BACH2: variants seen among roughly 807,000 people sequenced by gnomAD.
BACH2 encodes the protein transcription regulator protein BACH2.
A neutral mutation model predicts 61.8 loss-of-function variants in BACH2; 5 were observed. That is an observed-to-expected ratio of 0.08 (90% CI 0.04 to 0.17). BACH2 has a LOEUF of 0.17. BACH2 is among the 10% of genes least tolerant of loss of function. The pLI is 1.00. For missense variants in BACH2, 824 were observed against 1,091.1 expected, an observed-to-expected ratio of 0.76 and a Z score of 3.45; for synonymous variants, 446 against 440.1, an observed-to-expected ratio of 1.01 and a Z score of -0.17.
chr6:89,961,376 A>G (rs1303446958), intron 6 of BACH2, among the ~76,000 whole-genome samples: 1 of 152,246 alleles, frequency 6.6e-6, no homozygotes, highest in Non-Finnish European at 1.5e-5. Context: ...TAAAACCTGC[A>G]TCAAGGTTTA....
At chr6:90,260,270 C>A (rs896331288) in intron 2 of BACH2, among the ~76,000 whole-genome samples, 2 of 152,156 alleles carry the variant, frequency 1.3e-5, no homozygotes, top group Non-Finnish European at 2.9e-5. Flanking sequence ...TGTCTCAAGG[C>A]ATTTTTTAAA....
chr6:90,203,076 A>G (rs1769010397), intron 4 of BACH2, among the ~76,000 whole-genome samples: 1 of 152,196 alleles, frequency 6.6e-6, no homozygotes, highest in South Asian at 2.1e-4. Flanking sequence ...TAGCAAGAAA[A>G]TAACCAAGAA....
At chr6:89,943,859 C>CTGA (rs1773578404) in intron 7 of BACH2, among the ~76,000 whole-genome samples, 1 of 152,172 alleles carries the variant, frequency 6.6e-6, no homozygotes, top group Non-Finnish European at 1.5e-5. Context: ...CCCTGAGACA[C>CTGA]TGATGGTGTG....
chr6:89,938,801 A>G (rs767115047), intron 7 of BACH2, among the ~76,000 whole-genome samples: 1 of 152,134 alleles, frequency 6.6e-6, no homozygotes, highest in Non-Finnish European at 1.5e-5. Context: ...GACACAAAAA[A>G]CCCAGTGTGA....
intron 4 of BACH2, among the ~76,000 whole-genome samples, chr6:90,090,259 TG>T (rs1463144339): frequency 1.3e-5 from 2 of 152,186 alleles, no homozygotes; most frequent in African/African-American, 2.4e-5. Context: ...AGTTGCAGAT[TG>T]TTTTTTTCTT....
intron 4 of BACH2, among the ~76,000 whole-genome samples, chr6:90,157,897 C>T (rs1408748163): frequency 6.6e-6 from 1 of 151,920 alleles, no homozygotes; most frequent in Non-Finnish European, 1.5e-5. Flanking sequence ...TGCACATAGA[C>T]AATAATGAGG....
At chr6:90,041,386 A>G (rs925110410) in intron 5 of BACH2, among the ~76,000 whole-genome samples, 8 of 151,928 alleles carry the variant, frequency 5.3e-5, no homozygotes, top group African/African-American at 1.9e-4. Flanking sequence ...ATGTTGAATT[A>G]CATCAATGCC....
intron 3 of BACH2, among the ~76,000 whole-genome samples, chr6:90,212,481 C>A (rs185794993): frequency 6.6e-6 from 1 of 152,158 alleles, no homozygotes; most frequent in African/African-American, 2.4e-5. Context: ...AGTGTCCTCG[C>A]CACCCCACAT....
At chr6:90,104,911 C>CCTTA (rs1782833670) in intron 4 of BACH2, among the ~76,000 whole-genome samples, 1 of 152,062 alleles carries the variant, frequency 6.6e-6, no homozygotes, top group Non-Finnish European at 1.5e-5. Flanking sequence ...ATTTGGAACT[C>CCTTA]TAAGGAGACC....
intron 4 of BACH2, among the ~76,000 whole-genome samples, chr6:90,149,584 A>C (rs1020634804): frequency 1.4e-4 from 21 of 152,212 alleles, no homozygotes; most frequent in African/African-American, 4.6e-4. Context: ...CCATTGTAAA[A>C]TCCAGCATAA....
At chr6:90,201,618 T>C (rs1030572124) in intron 4 of BACH2, among the ~76,000 whole-genome samples, 1 of 152,212 alleles carries the variant, frequency 6.6e-6, no homozygotes, top group African/African-American at 2.4e-5. Context: ...CTTTTATCTT[T>C]CAGAATAGTT....
intron 4 of BACH2, among the ~76,000 whole-genome samples, chr6:90,147,786 G>A (rs1295825495): frequency 6.6e-6 from 1 of 151,958 alleles, no homozygotes; most frequent in Admixed American, 6.6e-5. Flanking sequence ...TTTTCATCTT[G>A]TTTTTGTTTC....
chr6:90,169,022 T>G (rs1013097906), intron 4 of BACH2, among the ~76,000 whole-genome samples: 22 of 152,210 alleles, frequency 1.4e-4, no homozygotes, highest in African/African-American at 5.3e-4. Flanking sequence ...GTACGATGTT[T>G]CCCTTAATGA....
intron 5 of BACH2, among the ~76,000 whole-genome samples, chr6:90,028,082 G>A (rs990483519): frequency 6.6e-6 from 1 of 152,134 alleles, no homozygotes; most frequent in Non-Finnish European, 1.5e-5. Context: ...GTACTTGCTG[G>A]CAACTTCGGC....
chr6:90,296,282 A>C (rs1053489450), intron 1 of BACH2, among the ~76,000 whole-genome samples, 198 bp downstream of exon 1: 1 of 150,824 alleles, frequency 6.6e-6, no homozygotes, highest in Non-Finnish European at 1.5e-5. Context: ...CTCGGCTCCC[A>C]CCCCCTTCCC....
At position 90,240,417 on chromosome 6, in the gene BACH2, G is replaced by A. The variant is rs1366590091; in HGVS notation, c.-275+12096C>T. ...ATTTTAATATAATTTATGTGAAAAT[G>A]AAAAATACTTGAAAATACTTTGCTT... On this transcript the variant is annotated intron_variant, in intron 3 of 8. Coordinates refer to ENST00000257749, the MANE Select transcript of BACH2 (RefSeq NM_021813.4). Among the ~76,000 whole-genome samples, 4 of 152,188 alleles carry A rather than the reference G, an allele frequency of 2.6e-5. No homozygotes were observed. The East Asian group carries it at 7.7e-4, about 29-fold the overall frequency.
intron 5 of BACH2, among the ~76,000 whole-genome samples, chr6:90,069,430 G>A (rs1419528050): frequency 6.6e-6 from 1 of 152,184 alleles, no homozygotes; most frequent in Non-Finnish European, 1.5e-5. Context: ...TTAAAGGCAC[G>A]TATTTAGCAA....
chr6:90,164,071 G>A (rs1767509482), intron 4 of BACH2, among the ~76,000 whole-genome samples: 1 of 152,162 alleles, frequency 6.6e-6, no homozygotes, highest in Non-Finnish European at 1.5e-5. Flanking sequence ...GATCAGAGCA[G>A]AACTGAAGGA....
chr6:89,975,478 T>G (rs578009945), intron 6 of BACH2, among the ~76,000 whole-genome samples: 1 of 152,350 alleles, frequency 6.6e-6, no homozygotes, highest in South Asian at 2.1e-4. Context: ...TTTCTTTTGT[T>G]TCTCAGACTC....
Sources: allele counts gnomAD v4.1 joint callset (sites outside exome capture counted in the v4.1 genomes callset), GRCh38; gene constraint gnomAD v4.1.1; transcripts MANE v1.5; gene names NCBI Gene and HGNC (gene_info 2026-07-23, HGNC 2026-07-21).